The following DCHS2 variants were observed in gnomAD, a reference collection of about 807,000 sequenced individuals.
DCHS2 encodes the protein dachsous cadherin-related 2, also known as protocadherin-23.
DCHS2 carries 142 observed loss-of-function variants against 182.4 expected under a neutral mutation model. That is an observed-to-expected ratio of 0.78 (90% CI 0.68 to 0.89). The LOEUF (loss-of-function observed/expected upper bound fraction) is 0.89, where lower values mean the gene tolerates loss of function less well. DCHS2 is among the 40% of genes least tolerant of loss of function. The pLI is 0.00. For synonymous variants in DCHS2, 1,740 were observed against 1,663.3 expected, an observed-to-expected ratio of 1.05 and a Z score of -1.12; for missense variants, 4,319 against 4,198.6, an observed-to-expected ratio of 1.03 and a Z score of -0.79.
intron 9 of DCHS2, among the ~76,000 whole-genome samples, chr4:154,317,588 A>G (rs1038365772): frequency 6.6e-5 from 10 of 152,220 alleles, no homozygotes; most frequent in Non-Finnish European, 1.5e-4. Flanking sequence ...AATGGTGTAT[A>G]TCTGAGATTT....
At chr4:154,361,221 A>G (rs1730104601) in intron 3 of DCHS2, among the ~76,000 whole-genome samples, 2 of 152,124 alleles carry the variant, frequency 1.3e-5, no homozygotes, top group African/African-American at 2.4e-5. Flanking sequence ...AAAGCTTGAA[A>G]CCTGCCTGTT....
chr4:154,282,959 ATGAAG>A (rs1307717263), intron 13 of DCHS2, among the ~76,000 whole-genome samples: 3 of 152,306 alleles, frequency 2.0e-5, no homozygotes, highest in African/African-American at 7.2e-5. Flanking sequence ...TTCCACTTAT[ATGAAG>A]TATTTAAATA....
chr4:154,490,041 C>A lies in DCHS2; in HGVS notation c.1315G>T (p.Val439Phe), dbSNP rs910488424. The A allele has an allele frequency of 6.5e-7, 1 of 1,548,064 alleles. No individual in the cohort carries two copies. Among genetic ancestry groups the A allele is most frequent in the Non-Finnish European group, 8.7e-7 (1 of 1,146,966 alleles). Reference protein sequence around the residue: ...GARPGDYVARVSVSDADGDWE... With the variant: ...GARPGDYVARFSVSDADGDWE... ...TCACCGTCCGCGTCAGACACCGAGA[C>A]GCGAGCCACGTAGTCGCCCGGTCGG... The change falls in exon 1 of 20, where the codon GTC becomes TTC. Residue 439 changes from valine to phenylalanine, a missense_variant. Val to Phe is a conservative substitution (Grantham distance 50, BLOSUM62 -1). Transcript: ENST00000357232.
chr4:154,364,594 A>G (rs1730265338), intron 3 of DCHS2, among the ~76,000 whole-genome samples: 1 of 152,226 alleles, frequency 6.6e-6, no homozygotes, highest in South Asian at 2.1e-4. Context: ...TTTGCCTTAC[A>G]AAGACTGCCA....
intron 1 of DCHS2, among the ~76,000 whole-genome samples, chr4:154,462,768 A>G (rs1423089132): frequency 6.6e-6 from 1 of 152,170 alleles, no homozygotes; most frequent in Non-Finnish European, 1.5e-5. Context: ...TAAAATTTAT[A>G]CTATCCATAG....
chr4:154,400,967 A>G (rs1732151999), intron 1 of DCHS2, among the ~76,000 whole-genome samples: 2 of 152,220 alleles, frequency 1.3e-5, no homozygotes, highest in Non-Finnish European at 2.9e-5. Context: ...ACCCTAAGGT[A>G]TAGTTAGATG....
intron 1 of DCHS2, among the ~76,000 whole-genome samples, chr4:154,402,930 T>A (rs1417341519): frequency 6.6e-6 from 1 of 152,236 alleles, no homozygotes; most frequent in Non-Finnish European, 1.5e-5. Context: ...GTTATCTGAT[T>A]TTTGATACTA....
intron 1 of DCHS2, among the ~76,000 whole-genome samples, chr4:154,417,675 C>T (rs1732930842): frequency 6.6e-6 from 1 of 152,110 alleles, no homozygotes; most frequent in Admixed American, 6.5e-5. Context: ...TTTTTCTTTG[C>T]TAAACTGAAC....
At chr4:154,398,767 T>C (rs1022787960) in intron 1 of DCHS2, among the ~76,000 whole-genome samples, 2 of 152,168 alleles carry the variant, frequency 1.3e-5, no homozygotes, top group African/African-American at 4.8e-5. Context: ...ATTTACTATA[T>C]AAAGAGACTT....
At chr4:154,382,984 G>T (rs1024273596) in intron 1 of DCHS2, among the ~76,000 whole-genome samples, 3 of 152,122 alleles carry the variant, frequency 2.0e-5, no homozygotes, top group Non-Finnish European at 4.4e-5. Context: ...TCCAATTACT[G>T]AGTAAATATC....
chr4:154,390,976 C>T (rs915842306), intron 1 of DCHS2, among the ~76,000 whole-genome samples: 8 of 152,110 alleles, frequency 5.3e-5, no homozygotes, highest in Admixed American at 6.6e-5. Context: ...ATATTGATAA[C>T]GTCTAATACC....
chr4:154,361,560 C>T (rs1181216397), intron 3 of DCHS2, among the ~76,000 whole-genome samples: 1 of 152,020 alleles, frequency 6.6e-6, no homozygotes, highest in Non-Finnish European at 1.5e-5. Flanking sequence ...GTGTGGTCTG[C>T]CTTGTGCCCA....
intron 7 of DCHS2, among the ~76,000 whole-genome samples, chr4:154,324,899 A>T (rs1736216151): frequency 6.6e-6 from 1 of 152,074 alleles, no homozygotes; most frequent in South Asian, 2.1e-4. Context: ...TTCCCCTTAT[A>T]CCAATTTTCA....
At chr4:154,273,386 CGT>C (rs1733686943) in intron 13 of DCHS2, among the ~76,000 whole-genome samples, 1 of 151,956 alleles carries the variant, frequency 6.6e-6, no homozygotes, top group Non-Finnish European at 1.5e-5. Flanking sequence ...TATTCTCATT[CGT>C]ATGTGGGAGC....
intron 1 of DCHS2, among the ~76,000 whole-genome samples, chr4:154,414,854 G>T (rs1290084612): frequency 1.3e-5 from 2 of 152,192 alleles, no homozygotes; most frequent in African/African-American, 4.8e-5. Flanking sequence ...ATCAAGAGTG[G>T]ACAGAGAAAA....
rs1642618587 is a variant in DCHS2, at chr4:154,322,409, T to C, written c.4098A>G (p.Arg1366=). 2 of 1,613,754 alleles carry C rather than the reference T, an allele frequency of 1.2e-6. No homozygotes were observed. The highest frequency in any genetic ancestry group is 1.7e-6 in the Non-Finnish European group (2 of 1,179,812). ...CAATGACACTCATTCTGTAGGAAGG[T>C]CTATAATCATACGAAAGTATTGTGG... ...RTTTILSYDY[R]PSYRMSVIAT... The change falls in exon 8 of 20, where the codon AGA becomes AGG. Residue 1366 remains arginine (R), a synonymous_variant. Transcript: ENST00000357232.
chr4:154,255,167 A>G (rs1341234168), intron 16 of DCHS2, among the ~76,000 whole-genome samples: 2 of 152,212 alleles, frequency 1.3e-5, no homozygotes, highest in Non-Finnish European at 2.9e-5. Flanking sequence ...TTAAAAAAAC[A>G]ATAACAACAA....
intron 15 of DCHS2, among the ~76,000 whole-genome samples, chr4:154,256,456 A>G (rs188057426): frequency 1.3e-5 from 2 of 152,210 alleles, no homozygotes; most frequent in Admixed American, 1.3e-4. Context: ...TTTTAAAGGG[A>G]TCATTAAACA....
intron 1 of DCHS2, among the ~76,000 whole-genome samples, chr4:154,441,628 A>T (rs898894558): frequency 1.3e-5 from 1 of 76,174 alleles, no homozygotes; most frequent in Non-Finnish European, 3.7e-5. Context: ...CCCTGAATTA[A>T]AAAAAAAAAC....
Sources: allele counts gnomAD v4.1 joint callset (sites outside exome capture counted in the v4.1 genomes callset), GRCh38; gene constraint gnomAD v4.1.1; transcripts MANE v1.5; gene names NCBI Gene and HGNC (gene_info 2026-07-23, HGNC 2026-07-21).